The following PDE5A variants were observed in gnomAD, a reference collection of about 807,000 sequenced individuals.
PDE5A encodes the protein cGMP-specific 3',5'-cyclic phosphodiesterase.
In PDE5A, 67 loss-of-function variants were observed where a neutral mutation model predicts 110.2. The observed-to-expected ratio is 0.61, with a 90% CI of 0.50 to 0.75. The LOEUF (loss-of-function observed/expected upper bound fraction) is 0.75. Among genes scored for constraint, PDE5A ranks in the 30% least tolerant of loss-of-function variants. The pLI, the probability that PDE5A is intolerant of heterozygous loss-of-function variation, is 0.00. For synonymous variants in PDE5A, 328 were observed against 351.2 expected (o/e 0.93, Z 0.74); for missense variants, 862 against 1,045.1 (o/e 0.82, Z 2.42).
Position 119,627,395 on chromosome 4 carries a change from G to C in PDE5A, c.152+1125C>G, listed in dbSNP as rs976882036. On this transcript the variant is annotated intron_variant, in intron 1 of 20. Transcript: ENST00000354960. This position sits in a 1 kb window ranked among gnomAD's most constrained non-coding sequence, Gnocchi z 4.6. ...ACCGGCAGAGCCGCGGCCGCGCGCC[G>C]GCGAGTGGGACCCGGGCGTCGAACC... 3 of 735,702 alleles carry C rather than the reference G, an allele frequency of 4.1e-6. No individual in the cohort carries two copies. Among genetic ancestry groups the C allele is most frequent in the Non-Finnish European group, 5.0e-6 (3 of 600,842 alleles). The allele number at this position is 735,702 out of a possible 1,614,324, so 45.6% of individuals were successfully genotyped here.
chr4:119,596,724 G>A, intron 2 of PDE5A, 112 bp from the exon 3 acceptor site: 1 of 499,994 alleles, frequency 2.0e-6, no homozygotes, highest in South Asian at 4.6e-5. Context: ...TTGTTACTCT[G>A]AGTAACAATT....
intron 2 of PDE5A, among the ~76,000 whole-genome samples, chr4:119,600,105 G>T (rs889784824): frequency 6.6e-6 from 1 of 152,010 alleles, no homozygotes; most frequent in African/African-American, 2.4e-5. Flanking sequence ...ACTATAAGAA[G>T]TGCGAAAGGA....
intron 1 of PDE5A, among the ~76,000 whole-genome samples, chr4:119,620,451 GT>G (rs1176273704): frequency 2.6e-5 from 4 of 152,148 alleles, no homozygotes; most frequent in African/African-American, 9.7e-5. Context: ...ACAACACATG[GT>G]ATAAAAGAAG....
Position 119,596,568 on chromosome 4 carries a change from C to G in PDE5A, c.786G>C (p.Lys262Asn), listed in dbSNP as rs773661637. Residue 262 changes from lysine (K) to asparagine (N), a missense_variant, in exon 3 of 21, where the codon AAG becomes AAC. Coordinates refer to ENST00000354960, the MANE Select transcript of PDE5A (RefSeq NM_001083.4). ...NAEVDQITGY[K>N]TQSILCMPIK... Reference sequence around the variant, plus strand: ...TTGGCATACAAAGAATGCTTTGTGTCTTGTAGCCTGTAATTTGGTCAACTT... The same window carrying G: ...TTGGCATACAAAGAATGCTTTGTGTGTTGTAGCCTGTAATTTGGTCAACTT... The G allele has an allele frequency of 6.2e-7, 1 of 1,602,942 alleles. No individual in the cohort carries two copies. The highest frequency in any genetic ancestry group is 8.5e-7 in the Non-Finnish European group (1 of 1,174,604).
chr4:119,539,345 G>GC (rs950512161), intron 10 of PDE5A, among the ~76,000 whole-genome samples: 27 of 140,834 alleles, frequency 1.9e-4, no homozygotes, highest in African/African-American at 6.8e-4. Context: ...AATTTATTTT[G>GC]TTTTTTTTTT....
At chr4:119,563,554 G>C (rs1391357744) in intron 5 of PDE5A, among the ~76,000 whole-genome samples, 1 of 152,072 alleles carries the variant, frequency 6.6e-6, no homozygotes, top group Non-Finnish European at 1.5e-5. Flanking sequence ...AGGTCTGAAA[G>C]ATGAGCAGGA....
At chr4:119,578,651 C>T in intron 3 of PDE5A, among the ~76,000 whole-genome samples, 1 of 152,190 alleles carries the variant, frequency 6.6e-6, no homozygotes, top group Non-Finnish European at 1.5e-5. Context: ...AAAGCTGAAA[C>T]TGGATCCCTT....
rs1334381424 is a variant in PDE5A at position 119,498,040 on chromosome 4, T to C, written c.*561A>G. ...ATGTTTTCTTTACAATACAGTTTCATAGGACTTTCCATTTGTTTCAGAGTG... is the reference window on the plus strand; with the variant it reads ...ATGTTTTCTTTACAATACAGTTTCACAGGACTTTCCATTTGTTTCAGAGTG... On this transcript the variant is annotated 3_prime_UTR_variant, in exon 21 of 21. Transcript: ENST00000354960. 1 of 152,366 alleles carries C rather than the reference T, an allele frequency of 6.6e-6. No individual in the cohort carries two copies. The highest frequency in any genetic ancestry group is 6.5e-5 in the Admixed American group (1 of 15,286). The allele number at this position is 152,366 out of a possible 1,614,324, so 9.4% of individuals were successfully genotyped here.
chr4:119,547,106 G>GTTTTTTTT (rs35182804), intron 9 of PDE5A, among the ~76,000 whole-genome samples: 1 of 134,312 alleles, frequency 7.4e-6, no homozygotes. Flanking sequence ...TTGGGCAATA[G>GTTTTTTTT]TTTTTTTTTT....
At chr4:119,501,063 C>CTT in intron 20 of PDE5A, 107 bp downstream of exon 20, 1 of 662,940 alleles carries the variant, frequency 1.5e-6, no homozygotes, top group Non-Finnish European at 2.6e-6. Context: ...AATTTTATTT[C>CTT]TTGATTTAGA....
chr4:119,623,037 CA>C (rs376561963), intron 1 of PDE5A, among the ~76,000 whole-genome samples: 301 of 129,748 alleles, frequency 2.3e-3, no homozygotes, highest in Middle Eastern at 3.9e-3. Flanking sequence ...ACTTACATTG[CA>C]AAAAAAAAAA....
At chr4:119,609,970 G>T (rs1729685641) in intron 1 of PDE5A, among the ~76,000 whole-genome samples, 1 of 152,142 alleles carries the variant, frequency 6.6e-6, no homozygotes, top group Non-Finnish European at 1.5e-5. Context: ...CTGGCCTTAT[G>T]AATTGACTGA....
chr4:119,596,330 G>A (rs1729149689), intron 3 of PDE5A, among the ~76,000 whole-genome samples, 193 bp downstream of exon 3: 1 of 151,916 alleles, frequency 6.6e-6, no homozygotes, highest in African/African-American at 2.4e-5. Flanking sequence ...AATGGGCATA[G>A]TAAAGCAATT....
chr4:119,597,639 T>G (rs1729197704), intron 2 of PDE5A, among the ~76,000 whole-genome samples: 1 of 152,108 alleles, frequency 6.6e-6, no homozygotes, highest in South Asian at 2.1e-4. Flanking sequence ...CTCCAAAAAC[T>G]ACGCAGTTGG....
At chr4:119,606,058 A>T (rs924877324) in intron 2 of PDE5A, among the ~76,000 whole-genome samples, 1 of 152,262 alleles carries the variant, frequency 6.6e-6, no homozygotes, top group Non-Finnish European at 1.5e-5. Context: ...AATTTGAAGA[A>T]TCTTACAGTG....
intron 11 of PDE5A, 43 bp downstream of exon 11, chr4:119,538,917 G>A: frequency 1.4e-6 from 2 of 1,435,926 alleles, no homozygotes; most frequent in Non-Finnish European, 2.0e-6. Flanking sequence ...GTTAAATTAG[G>A]TGTCTGTAAT....
At chr4:119,611,571 C>T (rs1377436429) in intron 1 of PDE5A, among the ~76,000 whole-genome samples, 1 of 152,182 alleles carries the variant, frequency 6.6e-6, no homozygotes, top group Non-Finnish European at 1.5e-5. Context: ...CCTGGTGCAG[C>T]ATATGTCTTA....
chr4:119,584,557 T>C (rs1315904473), intron 3 of PDE5A, among the ~76,000 whole-genome samples: 6 of 152,194 alleles, frequency 3.9e-5, no homozygotes, highest in African/African-American at 1.4e-4. Flanking sequence ...ATATGGAAGT[T>C]AATTATCAAA....
At chr4:119,560,118 GT>G (rs34347414) in intron 7 of PDE5A, among the ~76,000 whole-genome samples, 177 bp downstream of exon 7, 44,150 of 151,452 alleles carry the variant, frequency 0.29, 6,432 homozygotes, top group East Asian at 0.38. Flanking sequence ...TTAAGTCACT[GT>G]GGTCAATAGT....
Sources: allele counts gnomAD v4.1 joint callset (sites outside exome capture counted in the v4.1 genomes callset), GRCh38; gene constraint gnomAD v4.1.1; non-coding constraint Gnocchi (gnomAD v3.1); transcripts MANE v1.5; gene names NCBI Gene and HGNC (gene_info 2026-07-23, HGNC 2026-07-21).